SUSD6: variants seen among roughly 807,000 people sequenced by gnomAD.
SUSD6 encodes the protein sushi domain-containing protein 6.
In SUSD6, 16 loss-of-function variants were observed where a neutral mutation model predicts 28.4. The ratio of observed to expected loss-of-function variants is 0.56; its 90% CI spans 0.38 to 0.86. The LOEUF is 0.86. Ranked by LOEUF, SUSD6 falls within the 40% of genes least tolerant of loss-of-function variation. The probability of loss-of-function intolerance (pLI) is 0.00; values close to 1 mark genes in which losing one functional copy is unlikely to be tolerated. For synonymous variants in SUSD6, 147 were observed against 159.6 expected, an observed-to-expected ratio of 0.92 and a Z score of 0.59; for missense variants, 341 against 384.2, an observed-to-expected ratio of 0.89 and a Z score of 0.94.
intron 2 of SUSD6, among the ~76,000 whole-genome samples, chr14:69,666,191 A>C (rs1289899417): frequency 6.6e-6 from 1 of 152,162 alleles, no homozygotes; most frequent in Non-Finnish European, 1.5e-5. Context: ...TGAGTCCCTA[A>C]ATTCTCAAAT....
rs762490172 is a variant in SUSD6, at chr14:69,658,647, G to A, written c.55G>A (p.Val19Met). Residue 19 changes from valine to methionine, a missense_variant, in exon 2 of 6, where the codon GTG (valine) becomes ATG (methionine). Transcript: ENST00000342745. ...CACCTCAGTGTTTGCCGTGGCCTCC[G>A]TGGGACATGGAGTGTTCCTTCCGCT... The part of the protein sequence containing the change: ...KSTSVFAVAS[V>M]GHGVFLPLVI... The A allele has an allele frequency of 3.1e-6, 5 of 1,613,992 alleles. No individual in the cohort carries two copies. Among genetic ancestry groups the A allele is most frequent in the South Asian group, 2.2e-5 (2 of 91,084 alleles).
rs78257167 is a variant in SUSD6 at position 69,641,652 on chromosome 14, T to C, written c.-80-16861T>C. ...CCACCCAGGCTGGAGTGCAGTGCTGTGATCATAGCTCGTTGCAGCCTCAAC... is the reference window on the plus strand; with the variant it reads ...CCACCCAGGCTGGAGTGCAGTGCTGCGATCATAGCTCGTTGCAGCCTCAAC... On this transcript the variant is annotated intron_variant, in intron 1 of 5. Transcript: ENST00000342745. Among the ~76,000 whole-genome samples, 608 of 152,232 alleles carry C rather than the reference T, an allele frequency of 4.0e-3. 4 individuals carry two copies. Among genetic ancestry groups the C allele is most frequent in the African/African-American group, 0.014 (583 of 41,514 alleles).
intron 2 of SUSD6, among the ~76,000 whole-genome samples, chr14:69,698,882 G>C (rs113679590): frequency 0.01 from 1,530 of 152,194 alleles, 10 homozygotes; most frequent in African/African-American, 0.018. Flanking sequence ...CTGTAAAATT[G>C]TCTGGCTTTC....
At position 69,651,041 on chromosome 14, in the gene SUSD6, C is replaced by G. The variant is rs112931917; in HGVS notation, c.-80-7472C>G. On this transcript the variant is annotated intron_variant, in intron 1 of 5. Transcript: ENST00000342745. ...CTTTTTAGAGGAAATACTTTTGGGC[C>G]CCTCCTATTCCCTAGAAGACATTCC... Among the ~76,000 whole-genome samples, 481 of 152,052 alleles carry G rather than the reference C, an allele frequency of 3.2e-3. 1 individual carries two copies. The highest frequency in any genetic ancestry group is 0.011 in the African/African-American group (463 of 41,488).
Position 69,703,394 on chromosome 14 carries a change from G to A in SUSD6, c.122-1G>A. Reference sequence around the variant, plus strand: ...CCCCTGCTCTCTCCCTGTCTTTGCAGTGTGCCCCCTACCACCGGAGCCAGA... The same window carrying A: ...CCCCTGCTCTCTCCCTGTCTTTGCAATGTGCCCCCTACCACCGGAGCCAGA... On this transcript the variant is annotated splice_acceptor_variant, in intron 2 of 5. Coordinates refer to ENST00000342745, the MANE Select transcript of SUSD6 (RefSeq NM_014734.4). LOFTEE classifies it high-confidence loss of function. 1 of 1,612,986 alleles carries A rather than the reference G, an allele frequency of 6.2e-7. No individual in the cohort carries two copies. Among genetic ancestry groups the A allele is most frequent in the Non-Finnish European group, 8.5e-7 (1 of 1,179,462 alleles).
chr14:69,704,791 C>T, intron 4 of SUSD6, 49 bp downstream of exon 4: 1 of 1,590,896 alleles, frequency 6.3e-7, no homozygotes, highest in Non-Finnish European at 8.6e-7. Flanking sequence ...GCAAGCATTA[C>T]TGTGGGGGCC....
intron 1 of SUSD6, among the ~76,000 whole-genome samples, chr14:69,621,732 C>G (rs1317644132): frequency 6.6e-6 from 1 of 152,176 alleles, no homozygotes; most frequent in Non-Finnish European, 1.5e-5. Context: ...ACACTTTTCT[C>G]TTTGTTCTCC....
intron 1 of SUSD6, among the ~76,000 whole-genome samples, chr14:69,631,407 G>C (rs1885192408): frequency 6.6e-6 from 1 of 152,016 alleles, no homozygotes; most frequent in African/African-American, 2.4e-5. Flanking sequence ...CATGCTTTTG[G>C]GTCAGACTGT....
intron 2 of SUSD6, among the ~76,000 whole-genome samples, chr14:69,675,121 G>A (rs906908787): frequency 1.3e-5 from 2 of 151,882 alleles, no homozygotes; most frequent in Non-Finnish European, 2.9e-5. Context: ...GTTTGAAGAT[G>A]GTTTTAATGA....
intron 2 of SUSD6, among the ~76,000 whole-genome samples, chr14:69,662,097 T>G (rs1300889775): frequency 3.3e-5 from 5 of 152,212 alleles, no homozygotes; most frequent in Admixed American, 3.3e-4. Flanking sequence ...TTCTTGCATT[T>G]CTTACCTGTT....
intron 2 of SUSD6, among the ~76,000 whole-genome samples, chr14:69,662,236 C>G (rs1190716614): frequency 3.9e-5 from 6 of 152,246 alleles, no homozygotes; most frequent in Admixed American, 3.3e-4. Context: ...ACATTCATGA[C>G]TCTGAGAATA....
At chr14:69,646,851 G>A (rs1885435187) in intron 1 of SUSD6, among the ~76,000 whole-genome samples, 1 of 151,816 alleles carries the variant, frequency 6.6e-6, no homozygotes, top group African/African-American at 2.4e-5. Flanking sequence ...ACAGGCACCC[G>A]CCACCATGCC....
At chr14:69,639,066 C>T (rs746496941) in intron 1 of SUSD6, among the ~76,000 whole-genome samples, 2 of 152,158 alleles carry the variant, frequency 1.3e-5, no homozygotes, top group Non-Finnish European at 2.9e-5. Context: ...TGGCTCACGC[C>T]TGTAATCCCA....
rs1485183261 is a variant in SUSD6 at position 69,623,462 on chromosome 14, A to G, written c.-81+11634A>G. 2.0e-5 allele frequency among the ~76,000 whole-genome samples: 3 copies of G among 152,342 alleles called. No homozygotes were observed. The East Asian group carries it at 5.8e-4, about 29-fold the overall frequency. ...TAGAGTCTAGCACATACAATTATGT[A>G]TAGTACATAATACTTGATGATAATA... On this transcript the variant is annotated intron_variant, in intron 1 of 5. Transcript: ENST00000342745.
At chr14:69,631,600 G>A (rs916204992) in intron 1 of SUSD6, among the ~76,000 whole-genome samples, 6 of 152,116 alleles carry the variant, frequency 3.9e-5, no homozygotes, top group Admixed American at 1.3e-4. Flanking sequence ...ACATCTGTGC[G>A]CAGTGACTAA....
intron 2 of SUSD6, among the ~76,000 whole-genome samples, chr14:69,686,194 T>A (rs1425317699): frequency 6.6e-6 from 1 of 152,216 alleles, no homozygotes; most frequent in Non-Finnish European, 1.5e-5. Flanking sequence ...TCAACAGCCC[T>A]GCTCAGTTGT....
intron 2 of SUSD6, among the ~76,000 whole-genome samples, chr14:69,662,399 G>T (rs1885676495): frequency 6.6e-6 from 1 of 152,160 alleles, no homozygotes; most frequent in Non-Finnish European, 1.5e-5. Context: ...AGGTACTTGA[G>T]AGTTCTGGAG....
At chr14:69,684,966 C>T (rs1159620083) in intron 2 of SUSD6, among the ~76,000 whole-genome samples, 1 of 152,236 alleles carries the variant, frequency 6.6e-6, no homozygotes, top group Non-Finnish European at 1.5e-5. Context: ...TCATACCACT[C>T]TGAGTTATCA....
rs1478618759 is a variant in SUSD6 at position 69,703,348 on chromosome 14, AC to A, written c.122-46del. 8 of 1,477,088 alleles carry A rather than the reference AC, an allele frequency of 5.4e-6. No homozygotes were observed. The African/African-American group carries it at 6.9e-5, about 13-fold the overall frequency. 91.5% of individuals were successfully genotyped at this position (1,477,088 alleles called of 1,614,324 possible). ...GCTGCGTCACTGAGAGCAGACTCCT[AC>A]TGGATACCTCACCACTGTACCCCTG... On this transcript the variant is annotated intron_variant, in intron 2 of 5. Coordinates refer to ENST00000342745, the MANE Select transcript of SUSD6 (RefSeq NM_014734.4).
Sources: allele counts gnomAD v4.1 joint callset (sites outside exome capture counted in the v4.1 genomes callset), GRCh38; gene constraint gnomAD v4.1.1; transcripts MANE v1.5; gene names NCBI Gene and HGNC (gene_info 2026-07-23, HGNC 2026-07-21).